SREBF2: variants seen among roughly 807,000 people sequenced by gnomAD.
The protein encoded by SREBF2 is sterol regulatory element-binding protein 2.
In SREBF2, 55 loss-of-function variants were observed where a neutral mutation model predicts 113.1. The ratio of observed to expected loss-of-function variants is 0.49; its 90% CI spans 0.39 to 0.61. The LOEUF is 0.61. Ranked by LOEUF, SREBF2 falls within the 20% of genes least tolerant of loss-of-function variation. SREBF2 has a pLI of 0.00. For missense variants in SREBF2, 1,349 were observed against 1,487.4 expected (o/e 0.91, Z 1.53); for synonymous variants, 593 against 605.7 (o/e 0.98, Z 0.31).
chr22:41,904,594 C>T (rs1371729242), intron 17 of SREBF2: 4 of 642,066 alleles, frequency 6.2e-6, no homozygotes, highest in East Asian at 6.5e-5. Flanking sequence ...CCACGAGGTG[C>T]GTCCAGGGCT....
intron 4 of SREBF2, among the ~76,000 whole-genome samples, chr22:41,873,528 C>T (rs11702960): frequency 0.093 from 14,090 of 152,044 alleles, 944 homozygotes; most frequent in South Asian, 0.13. Context: ...TTCTGGCATA[C>T]GTAGATCAAA....
intron 1 of SREBF2, among the ~76,000 whole-genome samples, chr22:41,851,858 C>T (rs570232225): frequency 2.0e-5 from 3 of 151,242 alleles, no homozygotes; most frequent in African/African-American, 4.8e-5. Context: ...CGGTGGCTCA[C>T]GCCTGTAATC....
intron 1 of SREBF2, among the ~76,000 whole-genome samples, chr22:41,860,401 A>G (rs2077016631): frequency 6.6e-6 from 1 of 152,188 alleles, no homozygotes; most frequent in Admixed American, 6.5e-5. Flanking sequence ...AAGACAAAAC[A>G]ATTCCATGTT....
At chr22:41,903,553 G>GGC (rs2077482108) in intron 17 of SREBF2, among the ~76,000 whole-genome samples, 1 of 152,220 alleles carries the variant, frequency 6.6e-6, no homozygotes, top group African/African-American at 2.4e-5. Context: ...AGTAGCTAGA[G>GGC]GCTTCGGTTC....
At chr22:41,854,679 G>A (rs2076961790) in intron 1 of SREBF2, among the ~76,000 whole-genome samples, 1 of 151,498 alleles carries the variant, frequency 6.6e-6, no homozygotes, top group African/African-American at 2.4e-5. Flanking sequence ...GACCAGCCTG[G>A]CCAACATGGT....
intron 1 of SREBF2, among the ~76,000 whole-genome samples, chr22:41,847,578 G>A (rs80033951): frequency 0.017 from 2,537 of 152,288 alleles, 25 homozygotes; most frequent in Non-Finnish European, 0.026. Context: ...ATATCCGTAT[G>A]ATGATAGAAC....
Position 41,871,977 on chromosome 22 carries a change from G to A in SREBF2, c.867+942G>A, listed in dbSNP as rs555624153. On this transcript the variant is annotated intron_variant, in intron 4 of 18. Coordinates refer to ENST00000361204, the MANE Select transcript of SREBF2 (RefSeq NM_004599.4). Reference sequence around the variant, plus strand: ...GAAATAGTGTGTCAAGCCACCGGGCGCAGTGGCTCACACCTGTAATCCCAG... The same window carrying A: ...GAAATAGTGTGTCAAGCCACCGGGCACAGTGGCTCACACCTGTAATCCCAG... Among the ~76,000 whole-genome samples, 6 of 150,274 alleles carry A rather than the reference G, an allele frequency of 4.0e-5. No homozygotes were observed. In the South Asian group the frequency reaches 8.5e-4, roughly 21 times the overall value.
At chr22:41,888,973 G>A (rs2077327788) in intron 11 of SREBF2, among the ~76,000 whole-genome samples, 1 of 152,180 alleles carries the variant, frequency 6.6e-6, no homozygotes, top group Non-Finnish European at 1.5e-5. Context: ...CAGTTGTTGG[G>A]GGCAAGTGGA....
At position 41,878,139 on chromosome 22, in the gene SREBF2, G is replaced by A. The variant is rs760831137; in HGVS notation, c.1761+16G>A. 4.6e-5 allele frequency: 75 copies of A among 1,613,100 alleles called. No homozygotes were observed. Among genetic ancestry groups the A allele is most frequent in the South Asian group, 2.0e-4 (18 of 91,054 alleles). On this transcript the variant is annotated intron_variant, in intron 9 of 18. Transcript: ENST00000361204. ...TCTCGCCAGAGTGAGTTCTGTGTCC[G>A]CCCTTCCCCATCCTCCCCCAGACTT...
chr22:41,895,227 C>T (rs963495772), intron 13 of SREBF2, among the ~76,000 whole-genome samples: 2 of 151,518 alleles, frequency 1.3e-5, no homozygotes, highest in African/African-American at 4.9e-5. Flanking sequence ...GCAAGCTCTG[C>T]CTCCTGGGTT....
intron 18 of SREBF2, among the ~76,000 whole-genome samples, 187 bp downstream of exon 18, chr22:41,905,161 T>TG (rs1336099224): frequency 6.6e-6 from 1 of 152,180 alleles, no homozygotes; most frequent in African/African-American, 2.4e-5. Context: ...TCATGGGTCA[T>TG]GCTGTGATCA....
intron 15 of SREBF2, 108 bp downstream of exon 15, chr22:41,898,889 C>T: frequency 4.7e-6 from 7 of 1,490,260 alleles, no homozygotes; most frequent in Non-Finnish European, 6.4e-6. Context: ...AGGGTCAGGA[C>T]TGCATGACAG....
intron 10 of SREBF2, among the ~76,000 whole-genome samples, chr22:41,884,311 A>G (rs2077278784): frequency 6.6e-6 from 1 of 151,842 alleles, no homozygotes; most frequent in Non-Finnish European, 1.5e-5. Context: ...AATTTTTTCT[A>G]TTTTTAGTAG....
chr22:41,861,479 G>A (rs995265191), intron 1 of SREBF2, among the ~76,000 whole-genome samples: 41 of 151,444 alleles, frequency 2.7e-4, no homozygotes, highest in Non-Finnish European at 1.0e-4. Context: ...CTGGGCAACT[G>A]AGTAAGACTC....
Position 41,867,124 on chromosome 22 carries a change from A to T in SREBF2, c.382A>T (p.Thr128Ser). The change falls in exon 2 of 19, where the codon ACT (threonine) becomes TCT (serine). Residue 128 changes from threonine (T) to serine (S), a missense_variant. This residue lies in a region of SREBF2 where 699 missense variants were observed against 843.3 expected (regional missense o/e 0.83). Coordinates refer to ENST00000361204, the MANE Select transcript of SREBF2 (RefSeq NM_004599.4). ...PTSVPTTPRA[T>S]PILQPRPQPQ... Reference sequence around the variant, plus strand: ...CTCAGTTCCCACCACACCCAGGGCAACTCCTATTCTTCAGCCCCGCCCCCA... The same window carrying T: ...CTCAGTTCCCACCACACCCAGGGCATCTCCTATTCTTCAGCCCCGCCCCCA... 1 of 1,613,852 alleles carries T rather than the reference A, an allele frequency of 6.2e-7. No individual in the cohort carries two copies. The highest frequency in any genetic ancestry group is 1.1e-5 in the South Asian group (1 of 91,058).
chr22:41,836,765 G>T (rs1252602656), intron 1 of SREBF2, among the ~76,000 whole-genome samples: 1 of 152,164 alleles, frequency 6.6e-6, no homozygotes, highest in Non-Finnish European at 1.5e-5. Context: ...ATGCTTCTAG[G>T]AGCCGGTCAG....
At chr22:41,891,377 C>T (rs1457111632) in intron 11 of SREBF2, 1 of 152,120 alleles carries the variant, frequency 6.6e-6, no homozygotes, top group Non-Finnish European at 1.5e-5. Flanking sequence ...CTATTGGTGC[C>T]CCTGGTCCCA....
Position 41,833,445 on chromosome 22 carries a change from C to T in SREBF2, c.88+87C>T. The T allele has an allele frequency of 7.5e-6, 9 of 1,198,050 alleles. No individual in the cohort carries two copies. The South Asian group carries it at 1.1e-4, about 15-fold the overall frequency. 74.2% of individuals were successfully genotyped at this position (1,198,050 alleles called of 1,614,324 possible). A position where few individuals can be genotyped will look rare whatever the true frequency, so the allele number is the denominator to read the frequency against. On this transcript the variant is annotated intron_variant, in intron 1 of 18. Coordinates refer to ENST00000361204, the MANE Select transcript of SREBF2 (RefSeq NM_004599.4). This position sits in a 1 kb window ranked among gnomAD's most constrained non-coding sequence, Gnocchi z 4.1. ...GCCCGGGTGCGCGTGCGCCCACCCC[C>T]CGACAGCCCCGGTTCGCGCGGGAAG...
chr22:41,840,796 G>A lies in SREBF2; in HGVS notation c.88+7438G>A, dbSNP rs185944938. 7.2e-5 allele frequency among the ~76,000 whole-genome samples: 11 copies of A among 152,250 alleles called. No homozygotes were observed. In the East Asian group the frequency reaches 1.2e-3, roughly 16 times the overall value. ...CAACGTGCCTTGATGTGACTGGGCC[G>A]ACAGTCACTGTCCCAACTTGTTGGG... On this transcript the variant is annotated intron_variant, in intron 1 of 18. Transcript: ENST00000361204.
Sources: gnomAD v4.1 joint callset for allele counts (sites outside exome capture counted in the v4.1 genomes callset) on GRCh38, gnomAD v4.1.1 for gene constraint, gnomAD v4.1.1 regional missense constraint, Gnocchi (gnomAD v3.1) non-coding constraint, MANE v1.5 for transcripts, NCBI Gene and HGNC (gene_info 2026-07-23, HGNC 2026-07-21) for gene names.